Variants in SIPA1L1 observed in about 807,000 individuals in gnomAD.
SIPA1L1 encodes the protein signal-induced proliferation-associated 1-like protein 1.
Under a neutral mutation model 162.7 loss-of-function variants are expected in SIPA1L1, and 26 were observed. The ratio of observed to expected loss-of-function variants is 0.16; its 90% CI spans 0.12 to 0.22. The LOEUF is 0.22. SIPA1L1 is among the 10% of genes least tolerant of loss of function. The pLI, the probability that SIPA1L1 is intolerant of heterozygous loss-of-function variation, is 1.00. For missense variants in SIPA1L1, 1,874 were observed against 2,241.0 expected (o/e 0.84, Z 3.31); for synonymous variants, 829 against 837.4 (o/e 0.99, Z 0.17).
At chr14:71,432,345 T>A (rs1177659838) in intron 2 of SIPA1L1, among the ~76,000 whole-genome samples, 1 of 152,162 alleles carries the variant, frequency 6.6e-6, no homozygotes, top group African/African-American at 2.4e-5. Flanking sequence ...ATTGTTGAGA[T>A]TACAAGCATA....
rs1461543060 is a variant in SIPA1L1 at position 71,442,147 on chromosome 14, T to C, written c.-464-70596T>C. Reference sequence around the variant, plus strand: ...GAGATCGCGTCACTGTACTCCAGCCTGGATGACAGAGCAAGACTCTGTCTC... The same window carrying C: ...GAGATCGCGTCACTGTACTCCAGCCCGGATGACAGAGCAAGACTCTGTCTC... On this transcript the variant is annotated intron_variant, in intron 2 of 23. Transcript: ENST00000381232. Among the ~76,000 whole-genome samples the C allele has an allele frequency of 5.0e-5, 6 of 121,180 alleles. No homozygotes were observed. The East Asian group carries it at 1.4e-3, about 28-fold the overall frequency. The allele number at this position is 121,180 out of a possible 152,430, so 79.5% of individuals were successfully genotyped here.
intron 2 of SIPA1L1, among the ~76,000 whole-genome samples, chr14:71,437,744 T>C (rs2044508939): frequency 6.6e-6 from 1 of 152,200 alleles, no homozygotes; most frequent in Non-Finnish European, 1.5e-5. Flanking sequence ...ATTTCTGTTT[T>C]CCCTTTACTT....
intron 20 of SIPA1L1, among the ~76,000 whole-genome samples, chr14:71,732,939 G>A (rs1301482483): frequency 1.3e-5 from 2 of 152,228 alleles, no homozygotes; most frequent in Non-Finnish European, 2.9e-5. Context: ...TAAACTGGGC[G>A]TGGTGGCTCA....
chr14:71,629,085 C>T (rs2040319977), intron 7 of SIPA1L1, among the ~76,000 whole-genome samples: 1 of 151,982 alleles, frequency 6.6e-6, no homozygotes. Flanking sequence ...CTACAGGCAC[C>T]CGCCACCACG....
intron 2 of SIPA1L1, among the ~76,000 whole-genome samples, chr14:71,476,396 T>A (rs1408277896): frequency 1.3e-5 from 2 of 152,198 alleles, no homozygotes; most frequent in Non-Finnish European, 2.9e-5. Context: ...ACAGTCATAT[T>A]TTTGTGGCTG....
At chr14:71,624,291 C>A in intron 7 of SIPA1L1, 55 bp downstream of exon 7, 1 of 1,412,966 alleles carries the variant, frequency 7.1e-7, no homozygotes. Flanking sequence ...GCTAGGCTTC[C>A]GGAATACAGA....
At chr14:71,735,237 T>C (rs899786180) in intron 21 of SIPA1L1, 40 bp from the exon 22 acceptor site, 10 of 1,379,578 alleles carry the variant, frequency 7.2e-6, no homozygotes, top group Non-Finnish European at 8.3e-6. Context: ...GCCAGGGATG[T>C]GGTTCCAAAA....
intron 2 of SIPA1L1, among the ~76,000 whole-genome samples, chr14:71,394,695 G>T (rs376959733): frequency 1.3e-5 from 2 of 152,184 alleles, no homozygotes; most frequent in East Asian, 3.8e-4. Context: ...AAGTGATGTG[G>T]ATTCCTATTG....
chr14:71,645,158 A>G (rs1489681947), intron 7 of SIPA1L1, among the ~76,000 whole-genome samples: 1 of 151,890 alleles, frequency 6.6e-6, no homozygotes, highest in Non-Finnish European at 1.5e-5. Flanking sequence ...CCTCCCTTTG[A>G]CCCTGCCTCC....
chr14:71,434,071 C>T (rs2141019561), intron 2 of SIPA1L1, among the ~76,000 whole-genome samples: 1 of 152,336 alleles, frequency 6.6e-6, no homozygotes, highest in East Asian at 1.9e-4. Context: ...ATTGTTGAGA[C>T]ATTTGGAATA....
chr14:71,359,096 G>A (rs2037550386), intron 2 of SIPA1L1, among the ~76,000 whole-genome samples: 1 of 152,156 alleles, frequency 6.6e-6, no homozygotes, highest in Non-Finnish European at 1.5e-5. Context: ...ATCTTGAATT[G>A]AGGTTCTCAT....
At chr14:71,724,064 C>T (rs117765386) in intron 18 of SIPA1L1, among the ~76,000 whole-genome samples, 178 bp downstream of exon 18, 2,328 of 152,228 alleles carry the variant, frequency 0.015, 25 homozygotes, top group South Asian at 0.047. Context: ...TATTTCTCTG[C>T]CTCATTCCTT....
At chr14:71,481,754 T>A (rs752687625) in intron 2 of SIPA1L1, among the ~76,000 whole-genome samples, 3 of 152,200 alleles carry the variant, frequency 2.0e-5, no homozygotes, top group African/African-American at 7.2e-5. Context: ...TAACTGTAGG[T>A]GATCATAAAT....
At chr14:71,450,704 A>G (rs1016038614) in intron 2 of SIPA1L1, among the ~76,000 whole-genome samples, 4 of 152,232 alleles carry the variant, frequency 2.6e-5, no homozygotes, top group Non-Finnish European at 5.9e-5. Flanking sequence ...AATGGCTGTT[A>G]TTAAAACCTG....
chr14:71,527,015 G>C (rs910755163), intron 3 of SIPA1L1, among the ~76,000 whole-genome samples: 4 of 152,164 alleles, frequency 2.6e-5, no homozygotes, highest in East Asian at 3.9e-4. Context: ...GGTGTTGTCA[G>C]ATTTTAAAAT....
chr14:71,482,250 A>G (rs1429913510), intron 2 of SIPA1L1, among the ~76,000 whole-genome samples: 1 of 152,226 alleles, frequency 6.6e-6, no homozygotes, highest in Non-Finnish European at 1.5e-5. Flanking sequence ...GTCTGGCTGT[A>G]GAGCCTTTGC....
At chr14:71,672,830 G>C (rs2044673456) in intron 12 of SIPA1L1, among the ~76,000 whole-genome samples, 1 of 152,166 alleles carries the variant, frequency 6.6e-6, no homozygotes, top group Non-Finnish European at 1.5e-5. Flanking sequence ...GACTAAATGG[G>C]ACCATTCCCA....
intron 7 of SIPA1L1, among the ~76,000 whole-genome samples, chr14:71,638,587 G>A (rs2041398499): frequency 6.6e-6 from 1 of 152,206 alleles, no homozygotes; most frequent in Admixed American, 6.5e-5. Context: ...AATGGTAAGA[G>A]ACTGGAGAAA....
chr14:71,468,005 G>GT (rs2047147242), intron 2 of SIPA1L1, among the ~76,000 whole-genome samples: 1 of 141,606 alleles, frequency 7.1e-6, no homozygotes, highest in African/African-American at 2.6e-5. Flanking sequence ...CAGTTAGAGG[G>GT]GTGTGTGTGT....
Sources: allele counts gnomAD v4.1 joint callset (sites outside exome capture counted in the v4.1 genomes callset), GRCh38; gene constraint gnomAD v4.1.1; transcripts MANE v1.5; gene names NCBI Gene and HGNC (gene_info 2026-07-23, HGNC 2026-07-21).